TRAM2: variants seen among roughly 807,000 people sequenced by gnomAD.
The protein encoded by TRAM2 is translocation associated membrane protein 2.
TRAM2 carries 12 observed loss-of-function variants against 51.0 expected under a neutral mutation model. The ratio of observed to expected loss-of-function variants is 0.24; its 90% confidence interval spans 0.15 to 0.38. The LOEUF (loss-of-function observed/expected upper bound fraction) is 0.38, where lower values mean the gene tolerates loss of function less well. Among genes scored for constraint, TRAM2 ranks in the 10% least tolerant of loss-of-function variants. TRAM2 has a pLI of 1.00. For synonymous variants in TRAM2, 175 were observed against 179.4 expected (o/e 0.98, Z 0.20); for missense variants, 361 against 462.0 (o/e 0.78, Z 2.00).
intron 1 of TRAM2, among the ~76,000 whole-genome samples, chr6:52,549,559 T>C (rs1337304024): frequency 6.6e-6 from 1 of 152,158 alleles, no homozygotes; most frequent in Non-Finnish European, 1.5e-5. Context: ...GAGTCCAAGC[T>C]CCTGCATGTG....
At chr6:52,511,102 AGTTTT>A (rs1326308470) in intron 4 of TRAM2, among the ~76,000 whole-genome samples, 1 of 152,172 alleles carries the variant, frequency 6.6e-6, no homozygotes, top group East Asian at 1.9e-4. Context: ...GAAATAAGAT[AGTTTT>A]GTTTTGTTTT....
At chr6:52,548,387 A>G (rs1767247425) in intron 1 of TRAM2, among the ~76,000 whole-genome samples, 1 of 152,266 alleles carries the variant, frequency 6.6e-6, no homozygotes, top group Admixed American at 6.5e-5. Context: ...CGACAATGAC[A>G]TCTAACGTGT....
At chr6:52,567,546 T>C (rs926713) in intron 1 of TRAM2, among the ~76,000 whole-genome samples, 33,535 of 152,186 alleles carry the variant, frequency 0.22, 3,880 homozygotes, top group Non-Finnish European at 0.27. Flanking sequence ...TTACATTTCT[T>C]GGGTAATAAA....
chr6:52,535,707 A>G, intron 2 of TRAM2, 76 bp downstream of exon 2: 1 of 1,374,854 alleles, frequency 7.3e-7, no homozygotes, highest in South Asian at 1.2e-5. Context: ...AATTGTACAC[A>G]GATGGGGAAA....
chr6:52,561,217 G>A (rs1214369588), intron 1 of TRAM2, among the ~76,000 whole-genome samples: 9 of 152,198 alleles, frequency 5.9e-5, no homozygotes, highest in Admixed American at 5.9e-4. Flanking sequence ...TTGCTGGGGT[G>A]GAGATGCAAG....
At chr6:52,562,718 C>T (rs1413382688) in intron 1 of TRAM2, among the ~76,000 whole-genome samples, 2 of 152,114 alleles carry the variant, frequency 1.3e-5, no homozygotes, top group African/African-American at 4.8e-5. Flanking sequence ...TAGCCCCCCA[C>T]CCCACCACAG....
chr6:52,555,958 G>A (rs1276033162), intron 1 of TRAM2, among the ~76,000 whole-genome samples: 1 of 152,062 alleles, frequency 6.6e-6, no homozygotes, highest in Non-Finnish European at 1.5e-5. Flanking sequence ...CATGTAAAAC[G>A]CAAAATCTCT....
chr6:52,503,125 G>A lies in TRAM2; in HGVS notation c.*72C>T, dbSNP rs1166656522. On this transcript the variant is annotated 3_prime_UTR_variant, in exon 11 of 11. Transcript: ENST00000182527. ...CATCACAGGCAGGAAGGAGGAGGCA[G>A]GGAGGGGGCCTGGGCTCCTTGCCCC... 2 of 1,281,584 alleles carry A rather than the reference G, an allele frequency of 1.6e-6. No homozygotes were observed. The highest frequency in any genetic ancestry group is 1.5e-5 in the African/African-American group (1 of 68,284). The allele number at this position is 1,281,584 out of a possible 1,614,324, so 79.4% of individuals were successfully genotyped here. A position where few individuals can be genotyped will look rare whatever the true frequency, so the allele number is the denominator to read the frequency against.
At chr6:52,542,534 T>C (rs957711134) in intron 1 of TRAM2, among the ~76,000 whole-genome samples, 6 of 152,214 alleles carry the variant, frequency 3.9e-5, no homozygotes, top group Non-Finnish European at 7.3e-5. Context: ...TGACAGTACC[T>C]TTCTGTGTGG....
intron 1 of TRAM2, among the ~76,000 whole-genome samples, chr6:52,571,392 AT>A (rs372818185): frequency 6.5e-4 from 99 of 152,360 alleles, no homozygotes; most frequent in African/African-American, 2.3e-3. Context: ...AACACATGTT[AT>A]TCTACAAACA....
intron 4 of TRAM2, among the ~76,000 whole-genome samples, chr6:52,510,862 G>A (rs994675261): frequency 6.6e-6 from 1 of 152,172 alleles, no homozygotes; most frequent in Non-Finnish European, 1.5e-5. Context: ...TATAATCCAA[G>A]AGTACAAAGC....
In TRAM2 at chr6:52,505,869, C is replaced by T. The variant is rs45514892; in HGVS notation, c.732-127G>A. The stretch of plus-strand genomic sequence containing the variant: ...GTGGCTGGGGAAAGTGCTTGAGGGA[C>T]GAGATATCTAAAATCAGATGTTCCA... On this transcript the variant is annotated intron_variant, in intron 8 of 10. Coordinates refer to ENST00000182527, the MANE Select transcript of TRAM2 (RefSeq NM_012288.4). The T allele has an allele frequency of 1.7e-3, 2,386 of 1,417,286 alleles. 3 individuals carry two copies. Among genetic ancestry groups the T allele is most frequent in the Non-Finnish European group, 2.1e-3 (2,208 of 1,047,606 alleles). The allele number at this position is 1,417,286 out of a possible 1,614,324, so 87.8% of individuals were successfully genotyped here. A position where few individuals can be genotyped will look rare whatever the true frequency, so the allele number is the denominator to read the frequency against.
intron 2 of TRAM2, among the ~76,000 whole-genome samples, chr6:52,533,630 G>A (rs1766929938): frequency 6.6e-6 from 1 of 152,224 alleles, no homozygotes; most frequent in Non-Finnish European, 1.5e-5. Context: ...TTCCAAGCCT[G>A]GCCACAGTGA....
At chr6:52,555,268 G>A (rs1418166226) in intron 1 of TRAM2, among the ~76,000 whole-genome samples, 3 of 119,012 alleles carry the variant, frequency 2.5e-5, no homozygotes, top group Non-Finnish European at 3.5e-5. Context: ...CTCCACCTGT[G>A]CCCTGGCTTC....
At position 52,509,509 on chromosome 6, in the gene TRAM2, G is replaced by A. The variant is rs2114063695; in HGVS notation, c.470+19C>T. On this transcript the variant is annotated intron_variant, in intron 5 of 10. Coordinates refer to ENST00000182527, the MANE Select transcript of TRAM2 (RefSeq NM_012288.4). ...GGCCCGGTCGCTCCTCCCTGGGGCT[G>A]AGTCAACAGAATACTCACGGGAGGT... is the stretch of plus-strand genomic sequence containing the variant. The A allele has an allele frequency of 5.0e-6, 8 of 1,609,894 alleles. No homozygotes were observed. The highest frequency in any genetic ancestry group is 6.8e-6 in the Non-Finnish European group (8 of 1,178,732).
At chr6:52,542,346 G>A (rs887561953) in intron 1 of TRAM2, among the ~76,000 whole-genome samples, 1 of 150,728 alleles carries the variant, frequency 6.6e-6, no homozygotes, top group African/African-American at 2.5e-5. Flanking sequence ...ACCTGCATGC[G>A]CCAGGTATGT....
At chr6:52,541,201 C>A (rs537584865) in intron 1 of TRAM2, among the ~76,000 whole-genome samples, 4 of 152,310 alleles carry the variant, frequency 2.6e-5, no homozygotes, top group Admixed American at 2.6e-4. Context: ...CATTTCACCT[C>A]TCTAGACCCC....
chr6:52,526,152 GACACACAC>G (rs775593303), intron 2 of TRAM2, among the ~76,000 whole-genome samples: 551 of 28,844 alleles, frequency 0.019, 1 homozygote, highest in East Asian at 0.065. Context: ...CACACAGACA[GACACACAC>G]ACACACACAC....
intron 1 of TRAM2, among the ~76,000 whole-genome samples, chr6:52,569,446 C>G (rs536399928): frequency 6.6e-6 from 1 of 150,720 alleles, no homozygotes; most frequent in East Asian, 2.0e-4. Context: ...AAATCTATGG[C>G]ATTTTTGTCA....
Sources: gnomAD v4.1 joint callset for allele counts (sites outside exome capture counted in the v4.1 genomes callset) on GRCh38, gnomAD v4.1.1 for gene constraint, MANE v1.5 for transcripts, NCBI Gene and HGNC (gene_info 2026-07-23, HGNC 2026-07-21) for gene names.